The following EYS variants were observed in gnomAD, a reference collection of about 807,000 sequenced individuals.
The protein encoded by EYS is EGF-like photoreceptor maintenance factor, also known as protein eyes shut homolog.
EYS carries 250 observed loss-of-function variants against 282.1 expected under a neutral mutation model. The ratio of observed to expected loss-of-function variants is 0.89; its 90% CI spans 0.80 to 0.98. The LOEUF (loss-of-function observed/expected upper bound fraction) is 0.98. EYS is among the 50% of genes least tolerant of loss of function. The probability of loss-of-function intolerance (pLI) is 0.00; values close to 1 mark genes in which losing one functional copy is unlikely to be tolerated. For synonymous variants in EYS, 1,355 were observed against 1,282.9 expected (o/e 1.06, Z -1.20); for missense variants, 4,016 against 3,709.0 (o/e 1.08, Z -2.15).
chr6:63,803,827 GA>G (rs763362294), intron 37 of EYS, among the ~76,000 whole-genome samples: 1 of 152,000 alleles, frequency 6.6e-6, no homozygotes. Context: ...AAACAGACAA[GA>G]AACAACTATA....
chr6:64,935,482 T>C (rs2150089599), intron 15 of EYS, among the ~76,000 whole-genome samples: 1 of 151,626 alleles, frequency 6.6e-6, no homozygotes, highest in African/African-American at 2.4e-5. Flanking sequence ...AAAGCATAAA[T>C]TAATAAAGCA....
chr6:64,833,239 C>T (rs1055086266), intron 19 of EYS, among the ~76,000 whole-genome samples: 3 of 151,824 alleles, frequency 2.0e-5, no homozygotes, highest in African/African-American at 7.3e-5. Flanking sequence ...ACCAGCTTGC[C>T]ATCAAAACAA....
chr6:65,057,546 G>C, intron 13 of EYS, 68 bp downstream of exon 13: 1 of 947,574 alleles, frequency 1.1e-6, no homozygotes, highest in Non-Finnish European at 1.7e-6. Context: ...AATGAGTTCA[G>C]ACAAGAGACA....
At chr6:64,191,477 T>A (rs796280361) in intron 31 of EYS, among the ~76,000 whole-genome samples, 1 of 143,486 alleles carries the variant, frequency 7.0e-6, no homozygotes, top group East Asian at 2.2e-4. Context: ...TGCTATCCCT[T>A]CCCCCCCCAC....
chr6:65,378,736 GA>G (rs1349892223), intron 8 of EYS, among the ~76,000 whole-genome samples: 1 of 152,088 alleles, frequency 6.6e-6, no homozygotes, highest in Non-Finnish European at 1.5e-5. Context: ...TCTTTGCAGG[GA>G]CATGGATGAA....
At chr6:64,749,843 G>C (rs1772684395) in intron 22 of EYS, among the ~76,000 whole-genome samples, 3 of 151,952 alleles carry the variant, frequency 2.0e-5, no homozygotes, top group Admixed American at 2.0e-4. Flanking sequence ...TAATATTTGA[G>C]TAACTGCTGG....
At chr6:64,962,355 G>C (rs1203306078) in intron 14 of EYS, among the ~76,000 whole-genome samples, 1 of 151,836 alleles carries the variant, frequency 6.6e-6, no homozygotes, top group Non-Finnish European at 1.5e-5. Flanking sequence ...ATTTATCTAT[G>C]TATCTCTTTA....
intron 12 of EYS, among the ~76,000 whole-genome samples, chr6:65,224,591 C>G (rs923196700): frequency 1.4e-5 from 2 of 147,840 alleles, no homozygotes; most frequent in Non-Finnish European, 3.0e-5. Context: ...AAATGAAATA[C>G]GATAGAGAGA....
chr6:65,509,972 A>G (rs1273970618), intron 2 of EYS, among the ~76,000 whole-genome samples: 2 of 148,810 alleles, frequency 1.3e-5, no homozygotes, highest in Non-Finnish European at 3.0e-5. Context: ...CACACATATT[A>G]TTGTTATAAT....
chr6:64,192,602 T>A lies in EYS; in HGVS notation c.6424+37990A>T, dbSNP rs1319084851. ...GGGAAAGGATTCCCTATTTAATAAATGGTGCTGGGAAAACTGGCTAGCCAT... is the reference window on the plus strand; with the variant it reads ...GGGAAAGGATTCCCTATTTAATAAAAGGTGCTGGGAAAACTGGCTAGCCAT... On this transcript the variant is annotated intron_variant, in intron 31 of 42. Coordinates refer to ENST00000503581, the MANE Select transcript of EYS (RefSeq NM_001142800.2). 2.6e-5 allele frequency among the ~76,000 whole-genome samples: 4 copies of A among 152,068 alleles called. No individual in the cohort carries two copies. In the East Asian group the frequency reaches 7.7e-4, roughly 29 times the overall value.
At chr6:64,317,054 A>C (rs866459891) in intron 29 of EYS, among the ~76,000 whole-genome samples, 1 of 152,328 alleles carries the variant, frequency 6.6e-6, no homozygotes, top group Middle Eastern at 3.4e-3. Context: ...ACCTTATATA[A>C]AAATTAACTC....
intron 2 of EYS, among the ~76,000 whole-genome samples, chr6:65,630,251 T>C (rs1766864196): frequency 6.6e-6 from 1 of 152,172 alleles, no homozygotes; most frequent in Non-Finnish European, 1.5e-5. Context: ...CATTGACACT[T>C]AGGTCAATAG....
At chr6:65,520,580 G>A (rs1458495448) in intron 2 of EYS, among the ~76,000 whole-genome samples, 1 of 151,692 alleles carries the variant, frequency 6.6e-6, no homozygotes, top group Non-Finnish European at 1.5e-5. Context: ...ATACACATAT[G>A]TATCATTTAT....
intron 12 of EYS, among the ~76,000 whole-genome samples, chr6:65,259,847 A>G (rs536688919): frequency 6.6e-6 from 1 of 152,232 alleles, no homozygotes; most frequent in Non-Finnish European, 1.5e-5. Flanking sequence ...CAGGATACAT[A>G]GTGACACTCC....
chr6:65,615,386 T>TA (rs1766149477), intron 2 of EYS, among the ~76,000 whole-genome samples: 2 of 146,240 alleles, frequency 1.4e-5, no homozygotes, highest in African/African-American at 5.0e-5. Flanking sequence ...TTTTATTTAT[T>TA]TATATATATA....
Position 65,243,924 on chromosome 6 carries a change from G to A in EYS, c.2023+51939C>T, listed in dbSNP as rs1158044658. On this transcript the variant is annotated intron_variant, in intron 12 of 42. Coordinates refer to ENST00000503581, the MANE Select transcript of EYS (RefSeq NM_001142800.2). ...TGTTTCAAAGTAATTTGTTTTTAAA[G>A]TTTGTATTTTTTTCCATTTTGCTAG... Among the ~76,000 whole-genome samples the A allele has an allele frequency of 2.0e-5, 3 of 152,068 alleles. No homozygotes were observed. The East Asian group carries it at 5.8e-4, about 29-fold the overall frequency.
chr6:64,376,258 T>C (rs570484079), intron 29 of EYS, among the ~76,000 whole-genome samples: 26 of 152,224 alleles, frequency 1.7e-4, no homozygotes, highest in East Asian at 3.9e-4. Flanking sequence ...CCTTGAGGAA[T>C]TGGAGGACAG....
At chr6:64,589,320 A>G (rs552835479) in intron 26 of EYS, among the ~76,000 whole-genome samples, 1 of 152,090 alleles carries the variant, frequency 6.6e-6, no homozygotes, top group African/African-American at 2.4e-5. Flanking sequence ...AAAACCTTTT[A>G]AACGTTGGGG....
rs778431575 is a variant in EYS, at chr6:63,894,589, G to GT, written c.7056-30232dup. ...GTTGTTTTTTTTTGTTTGTTTGTTT[G>GT]TTTTTTTTTTGAGATGGAGTCTCAC... On this transcript the variant is annotated intron_variant, in intron 35 of 42. Coordinates refer to ENST00000503581, the MANE Select transcript of EYS (RefSeq NM_001142800.2). 1.1e-3 allele frequency among the ~76,000 whole-genome samples: 169 copies of GT among 147,704 alleles called. 5 individuals carry two copies. In the South Asian group the frequency reaches 0.031, roughly 27 times the overall value.
Sources: allele counts gnomAD v4.1 joint callset (sites outside exome capture counted in the v4.1 genomes callset), GRCh38; gene constraint gnomAD v4.1.1; transcripts MANE v1.5; gene names NCBI Gene and HGNC (gene_info 2026-07-23, HGNC 2026-07-21).